KIF16B: variants seen among roughly 807,000 people sequenced by gnomAD.
KIF16B encodes the protein kinesin family member 16B.
KIF16B carries 98 observed loss-of-function variants against 156.3 expected under a neutral mutation model. The ratio of observed to expected loss-of-function variants is 0.63; its 90% CI spans 0.53 to 0.74. The LOEUF (loss-of-function observed/expected upper bound fraction) is 0.74. Among genes scored for constraint, KIF16B ranks in the 30% least tolerant of loss-of-function variants. KIF16B has a pLI of 0.00. For synonymous variants in KIF16B, 564 were observed against 583.7 expected, an observed-to-expected ratio of 0.97 and a Z score of 0.49; for missense variants, 1,421 against 1,606.5, an observed-to-expected ratio of 0.88 and a Z score of 1.97.
intron 11 of KIF16B, among the ~76,000 whole-genome samples, chr20:16,495,055 T>G (rs1044807603): frequency 4.7e-5 from 7 of 150,014 alleles, no homozygotes; most frequent in Admixed American, 2.7e-4. Context: ...GATCCTAGGA[T>G]TCAACAGGAA....
At chr20:16,465,920 A>G (rs1010721179) in intron 12 of KIF16B, among the ~76,000 whole-genome samples, 1 of 152,230 alleles carries the variant, frequency 6.6e-6, no homozygotes, top group Admixed American at 6.5e-5. Flanking sequence ...CCCGTGTCTC[A>G]GACCCTGCCT....
intron 15 of KIF16B, among the ~76,000 whole-genome samples, chr20:16,422,996 T>C (rs957511061): frequency 4.6e-5 from 7 of 152,028 alleles, no homozygotes; most frequent in African/African-American, 1.7e-4. Context: ...ATCAAAACTG[T>C]GTGATACTGC....
At chr20:16,305,942 T>G (rs559722693) in intron 25 of KIF16B, among the ~76,000 whole-genome samples, 13 of 152,330 alleles carry the variant, frequency 8.5e-5, no homozygotes, top group South Asian at 4.1e-4. Flanking sequence ...TTCCATATCT[T>G]GGCTTATCAA....
intron 6 of KIF16B, among the ~76,000 whole-genome samples, chr20:16,508,704 C>G (rs2068863489): frequency 6.6e-6 from 1 of 152,102 alleles, no homozygotes. Flanking sequence ...GGACCAGTAC[C>G]AGTCTGCAGC....
chr20:16,287,772 A>G (rs6043858), intron 25 of KIF16B, among the ~76,000 whole-genome samples: 1 of 152,232 alleles, frequency 6.6e-6, no homozygotes, highest in African/African-American at 2.4e-5. Flanking sequence ...TAGACAATCC[A>G]TATCAGAAAA....
At chr20:16,422,940 C>T (rs755408403) in intron 15 of KIF16B, among the ~76,000 whole-genome samples, 29 of 151,914 alleles carry the variant, frequency 1.9e-4, no homozygotes, top group Non-Finnish European at 3.4e-4. Flanking sequence ...AGTAAAAAGA[C>T]ACTCCAATGA....
In KIF16B at chr20:16,330,121, G is replaced by A. The variant is rs573568009; in HGVS notation, c.3711+5805C>T. ...TATGGAACCCAGTGTCTTCTTGTCT[G>A]CTCAATTCCTAAGTTCTGTTTGTAT... is the stretch of plus-strand genomic sequence containing the variant. On this transcript the variant is annotated intron_variant, in intron 24 of 25. Coordinates refer to ENST00000354981, the MANE Select transcript of KIF16B (RefSeq NM_024704.5). Among the ~76,000 whole-genome samples the A allele has an allele frequency of 7.2e-5, 11 of 152,250 alleles. No individual in the cohort carries two copies. The South Asian group carries it at 2.3e-3, about 32-fold the overall frequency.
At chr20:16,555,461 T>C in intron 1 of KIF16B, among the ~76,000 whole-genome samples, 1 of 152,204 alleles carries the variant, frequency 6.6e-6, no homozygotes, top group Non-Finnish European at 1.5e-5. Context: ...TTCGGGATTA[T>C]GAGGCTAATG....
chr20:16,437,629 T>A (rs868235981), intron 12 of KIF16B, among the ~76,000 whole-genome samples: 5 of 152,178 alleles, frequency 3.3e-5, no homozygotes, highest in African/African-American at 1.2e-4. Context: ...CTCCTCTTAA[T>A]GAGAAATACG....
intron 23 of KIF16B, among the ~76,000 whole-genome samples, chr20:16,348,503 G>A (rs1600183197): frequency 6.6e-6 from 1 of 152,330 alleles, no homozygotes; most frequent in East Asian, 1.9e-4. Context: ...ATAGATGTTA[G>A]CTTCTTTCCT....
chr20:16,508,714 C>T (rs1171650775), intron 6 of KIF16B, among the ~76,000 whole-genome samples: 5 of 152,112 alleles, frequency 3.3e-5, no homozygotes. Context: ...CAGTCTGCAG[C>T]CCGGGGGTTA....
chr20:16,387,183 A>G (rs142577517), intron 17 of KIF16B, among the ~76,000 whole-genome samples: 10 of 152,330 alleles, frequency 6.6e-5, no homozygotes, highest in African/African-American at 2.2e-4. Context: ...AGAGTCAGGA[A>G]CATTATTTGT....
At chr20:16,479,552 C>CA (rs1364935562) in intron 12 of KIF16B, among the ~76,000 whole-genome samples, 1 of 151,966 alleles carries the variant, frequency 6.6e-6, no homozygotes, top group Non-Finnish European at 1.5e-5. Context: ...TAAGGCCAAA[C>CA]AAAAAAATAT....
At chr20:16,561,011 C>T (rs1206482205) in intron 1 of KIF16B, among the ~76,000 whole-genome samples, 3 of 151,634 alleles carry the variant, frequency 2.0e-5, no homozygotes, top group African/African-American at 7.3e-5. Flanking sequence ...ATAGAGAGGC[C>T]GGGCGCAGTG....
chr20:16,415,875 G>T (rs969825151), intron 15 of KIF16B, among the ~76,000 whole-genome samples: 31 of 152,252 alleles, frequency 2.0e-4, no homozygotes, highest in African/African-American at 7.5e-4. Context: ...TTCTCCTAAG[G>T]AATGTAGCTA....
chr20:16,537,678 G>A (rs2147209528), intron 1 of KIF16B, among the ~76,000 whole-genome samples: 1 of 135,568 alleles, frequency 7.4e-6, no homozygotes, highest in African/African-American at 2.7e-5. Flanking sequence ...CCACCCACAT[G>A]TTCTTTTTCT....
intron 22 of KIF16B, 82 bp downstream of exon 22, chr20:16,370,504 C>T: frequency 6.1e-6 from 7 of 1,148,042 alleles, no homozygotes; most frequent in Non-Finnish European, 7.3e-6. Context: ...TCTAATTATG[C>T]AACTAGACAT....
intron 23 of KIF16B, among the ~76,000 whole-genome samples, chr20:16,351,095 A>C (rs2064330448): frequency 6.6e-6 from 1 of 152,156 alleles, no homozygotes; most frequent in Non-Finnish European, 1.5e-5. Flanking sequence ...GCAGATGACC[A>C]CTCAGAAAAA....
intron 12 of KIF16B, among the ~76,000 whole-genome samples, chr20:16,431,404 C>A (rs372184293): frequency 1.8e-4 from 27 of 152,264 alleles, no homozygotes; most frequent in African/African-American, 6.3e-4. Context: ...CTGCCGCTCT[C>A]CCCTTTGCTC....
Sources: gnomAD v4.1 joint callset for allele counts (sites outside exome capture counted in the v4.1 genomes callset) on GRCh38, gnomAD v4.1.1 for gene constraint, MANE v1.5 for transcripts, NCBI Gene and HGNC (gene_info 2026-07-23, HGNC 2026-07-21) for gene names.